Variants in SYT2 observed in about 807,000 individuals in gnomAD.
SYT2 encodes synaptotagmin-2.
In SYT2, 15 loss-of-function variants were observed where a neutral mutation model predicts 39.9. The observed-to-expected ratio is 0.38, with a 90% CI of 0.25 to 0.58. The LOEUF (loss-of-function observed/expected upper bound fraction) is 0.58. SYT2 is among the 20% of genes least tolerant of loss of function. SYT2 has a pLI of 0.70. For missense variants in SYT2, 389 were observed against 530.3 expected (o/e 0.73, Z 2.62); for synonymous variants, 181 against 204.5 (o/e 0.89, Z 0.98).
intron 1 of SYT2, among the ~76,000 whole-genome samples, chr1:202,618,816 T>A (rs1363957704): frequency 6.6e-6 from 1 of 152,118 alleles, no homozygotes; most frequent in Admixed American, 6.5e-5. Flanking sequence ...CAAGATTCCC[T>A]CAGCTGACTC....
chr1:202,657,651 C>A (rs2149104490), intron 1 of SYT2, among the ~76,000 whole-genome samples: 1 of 152,098 alleles, frequency 6.6e-6, no homozygotes, highest in East Asian at 1.9e-4. Flanking sequence ...AAAGGACCCC[C>A]CTTTTCTTGG....
Position 202,602,013 on chromosome 1 carries a change from G to C in SYT2, c.678C>G (p.Ile226Met), listed in dbSNP as rs765495513. ...ELGGKTLVMA[I>M]YDFDRFSKHD... ...GTTTGGAGAAGCGGTCAAAGTCATA[G>C]ATGGCCATCACCAGAGTTTTGCCCC... The change falls in exon 6 of 9, where the codon ATC (isoleucine) becomes ATG (methionine). Residue 226 changes from isoleucine (I) to methionine (M), a missense_variant. Physicochemically the swap from Ile to Met is conservative, Grantham distance 10. This residue lies in a region of SYT2 where 280 missense variants were observed against 335.6 expected (regional missense o/e 0.83). Coordinates refer to ENST00000367268, the MANE Select transcript of SYT2 (RefSeq NM_177402.5). 1 of 1,614,192 alleles carries C rather than the reference G, an allele frequency of 6.2e-7. No homozygotes were observed. The highest frequency in any genetic ancestry group is 1.1e-5 in the South Asian group (1 of 91,080).
intron 1 of SYT2, among the ~76,000 whole-genome samples, chr1:202,702,360 A>G (rs1379648730): frequency 6.6e-6 from 1 of 152,202 alleles, no homozygotes; most frequent in African/African-American, 2.4e-5. Context: ...GCCTCCTGCA[A>G]TGCCAGGATT....
intron 1 of SYT2, among the ~76,000 whole-genome samples, chr1:202,687,974 G>A (rs549764419): frequency 6.6e-6 from 1 of 152,262 alleles, no homozygotes; most frequent in South Asian, 2.1e-4. Flanking sequence ...ACACATTAAC[G>A]GGATGGAGGC....
chr1:202,653,204 C>T (rs1400443070), intron 1 of SYT2, among the ~76,000 whole-genome samples: 1 of 152,170 alleles, frequency 6.6e-6, no homozygotes, highest in Non-Finnish European at 1.5e-5. Flanking sequence ...AACTCTCATG[C>T]CTCTGTCCCC....
intron 1 of SYT2, among the ~76,000 whole-genome samples, chr1:202,699,936 A>G (rs748377380): frequency 1.4e-4 from 22 of 152,202 alleles, no homozygotes; most frequent in South Asian, 8.3e-4. Flanking sequence ...TAAAATAAAG[A>G]GCTGGACTAC....
At chr1:202,626,134 TG>T (rs971782733) in intron 1 of SYT2, among the ~76,000 whole-genome samples, 4 of 152,006 alleles carry the variant, frequency 2.6e-5, no homozygotes, top group African/African-American at 9.7e-5. Flanking sequence ...TCCAGGAAGC[TG>T]GGGTGATAGC....
intron 1 of SYT2, among the ~76,000 whole-genome samples, chr1:202,645,949 A>G (rs1426727371): frequency 6.6e-6 from 1 of 152,192 alleles, no homozygotes; most frequent in Non-Finnish European, 1.5e-5. Flanking sequence ...CTTGATTCTT[A>G]TCAACTTTCC....
intron 1 of SYT2, among the ~76,000 whole-genome samples, chr1:202,640,426 C>T (rs756061060): frequency 1.4e-4 from 22 of 152,150 alleles, no homozygotes; most frequent in Admixed American, 9.2e-4. Context: ...ACTTCAGTCC[C>T]GGCCATGGGG....
intron 1 of SYT2, among the ~76,000 whole-genome samples, chr1:202,654,196 C>T (rs941320260): frequency 5.3e-5 from 8 of 152,248 alleles, no homozygotes; most frequent in African/African-American, 1.7e-4. Flanking sequence ...AAACGGTCTT[C>T]AGGCCCCATT....
In SYT2 at chr1:202,623,224, G is replaced by T. The variant is rs975130383; in HGVS notation, c.-17-17435C>A. Among the ~76,000 whole-genome samples the T allele has an allele frequency of 6.6e-6, 1 of 152,250 alleles. No individual in the cohort carries two copies. The highest frequency in any genetic ancestry group is 2.4e-5 in the African/African-American group (1 of 41,470). On this transcript the variant is annotated intron_variant, in intron 1 of 8. Coordinates refer to ENST00000367268, the MANE Select transcript of SYT2 (RefSeq NM_177402.5). The surrounding 1 kb of genome is among the most constrained non-coding windows in gnomAD (Gnocchi z 4.2). ...GAAGCCCGCCATCCCCATGGGAGAG[G>T]AGCTGGAGTCCAGGCTCCCTGGAGA... is the stretch of plus-strand genomic sequence containing the variant.
chr1:202,682,277 G>T (rs1466989229), intron 1 of SYT2, among the ~76,000 whole-genome samples: 1 of 152,242 alleles, frequency 6.6e-6, no homozygotes, highest in Non-Finnish European at 1.5e-5. Flanking sequence ...GTTGGCTTGT[G>T]CATGACTTCT....
intron 1 of SYT2, among the ~76,000 whole-genome samples, chr1:202,651,019 G>T (rs1692182227): frequency 6.6e-6 from 1 of 152,098 alleles, no homozygotes; most frequent in African/African-American, 2.4e-5. Flanking sequence ...ATTGGAGCCT[G>T]GATGCGAAGG....
intron 1 of SYT2, among the ~76,000 whole-genome samples, chr1:202,661,824 T>C (rs1692388500): frequency 6.6e-6 from 1 of 152,254 alleles, no homozygotes; most frequent in South Asian, 2.1e-4. Context: ...AGTGGGACCC[T>C]AATTTGCTCA....
chr1:202,654,617 G>A (rs138626446), intron 1 of SYT2, among the ~76,000 whole-genome samples: 1 of 152,316 alleles, frequency 6.6e-6, no homozygotes, highest in African/African-American at 2.4e-5. Context: ...TACTTGGAGA[G>A]GTGACACTGA....
At chr1:202,657,321 G>C (rs1289810971) in intron 1 of SYT2, among the ~76,000 whole-genome samples, 1 of 152,224 alleles carries the variant, frequency 6.6e-6, no homozygotes, top group East Asian at 1.9e-4. Flanking sequence ...CTTTAGAAGA[G>C]ATGCCCAAGA....
chr1:202,631,485 G>A (rs546107047), intron 1 of SYT2, among the ~76,000 whole-genome samples: 164 of 152,110 alleles, frequency 1.1e-3, no homozygotes, highest in Middle Eastern at 3.4e-3. Context: ...TCTTCCCAGC[G>A]GCCCCTCCCC....
intron 4 of SYT2, 50 bp from the exon 5 acceptor site, chr1:202,602,595 TACC>T (rs1460106482): frequency 1.9e-6 from 3 of 1,555,686 alleles, no homozygotes; most frequent in East Asian, 4.5e-5. Context: ...ACTGCTCCAA[TACC>T]ACAACTGGCC....
At chr1:202,634,584 G>A (rs1168841100) in intron 1 of SYT2, among the ~76,000 whole-genome samples, 1 of 152,104 alleles carries the variant, frequency 6.6e-6, no homozygotes, top group African/African-American at 2.4e-5. Context: ...TTCCACAAAT[G>A]TTGATAGCAG....
Sources: gnomAD v4.1 joint callset for allele counts (sites outside exome capture counted in the v4.1 genomes callset) on GRCh38, gnomAD v4.1.1 for gene constraint, gnomAD v4.1.1 regional missense constraint, Gnocchi (gnomAD v3.1) non-coding constraint, MANE v1.5 for transcripts, NCBI Gene and HGNC (gene_info 2026-07-23, HGNC 2026-07-21) for gene names.